Variants in MYO16 observed in about 807,000 individuals in gnomAD.
MYO16 encodes myosin XVI, also known as unconventional myosin-XVI.
A neutral mutation model predicts 205.3 loss-of-function variants in MYO16; 94 were observed. The ratio of observed to expected loss-of-function variants is 0.46; its 90% CI spans 0.39 to 0.54. MYO16 has a LOEUF of 0.54. Ranked by LOEUF, MYO16 falls within the 20% of genes least tolerant of loss-of-function variation. MYO16 has a pLI of 0.00. For synonymous variants in MYO16, 988 were observed against 954.0 expected (o/e 1.04, Z -0.66); for missense variants, 2,315 against 2,387.5 (o/e 0.97, Z 0.63).
Position 108,987,220 on chromosome 13 carries a change from C to T in MYO16, c.2370-5156C>T, listed in dbSNP as rs149492221. On this transcript the variant is annotated intron_variant, in intron 20 of 34. Coordinates refer to ENST00000457511, the MANE Select transcript of MYO16 (RefSeq NM_001198950.3). ...ACCATATAGAATAGAGAAGGCCGGACGGCCTCTCTGGTTACTCCCAGCCTC... is the reference window on the plus strand; with the variant it reads ...ACCATATAGAATAGAGAAGGCCGGATGGCCTCTCTGGTTACTCCCAGCCTC... Among the ~76,000 whole-genome samples, 27 of 152,300 alleles carry T rather than the reference C, an allele frequency of 1.8e-4. No individual in the cohort carries two copies. In the East Asian group the frequency reaches 5.2e-3, roughly 29 times the overall value.
the MYO16 span, among the ~76,000 whole-genome samples, chr13:108,531,190 C>A: frequency 1.7e-3 from 261 of 152,208 alleles, 1 homozygote; most frequent in African/African-American, 5.6e-3. Context: ...AAAGTTAGTC[C>A]GAGGTCAGAG....
Position 109,207,519 on chromosome 13 carries a change from C to T in MYO16, c.*683C>T, listed in dbSNP as rs976692274. ...ACCCCTTGCAAAACTATGAATTGAG[C>T]CCCATGTTTTAGGTGTTACTCATGG... On this transcript the variant is annotated 3_prime_UTR_variant, in exon 35 of 35. Coordinates refer to ENST00000457511, the MANE Select transcript of MYO16 (RefSeq NM_001198950.3). The T allele has an allele frequency of 6.6e-6, 1 of 152,072 alleles. No individual in the cohort carries two copies. The highest frequency in any genetic ancestry group is 6.6e-5 in the Admixed American group (1 of 15,264). 9.4% of individuals were successfully genotyped at this position (152,072 alleles called of 1,614,324 possible). A position where few individuals can be genotyped will look rare whatever the true frequency, so the allele number is the denominator to read the frequency against.
chr13:108,994,455 T>C (rs7331122), intron 21 of MYO16, among the ~76,000 whole-genome samples: 23,776 of 152,160 alleles, frequency 0.16, 2,218 homozygotes, highest in Non-Finnish European at 0.2. Context: ...TTATGATAAG[T>C]ACAAATCTCA....
In MYO16 at chr13:108,662,753, A is replaced by G. The variant is rs367999511; in HGVS notation, c.29-3133A>G. On this transcript the variant is annotated intron_variant, in intron 1 of 34. Coordinates refer to ENST00000457511, the MANE Select transcript of MYO16 (RefSeq NM_001198950.3). ...TTCTTTCCCTGCCTGTGAAGTCTGC[A>G]TGCCTGATTCACACCCTCCCCCGAG... 2.0e-3 allele frequency among the ~76,000 whole-genome samples: 310 copies of G among 152,260 alleles called. 8 individuals carry two copies. In the South Asian group the frequency reaches 0.062, roughly 31 times the overall value.
rs559987510 is a variant in MYO16 at position 108,936,944 on chromosome 13, T to G, written c.1926-20744T>G. On this transcript the variant is annotated intron_variant, in intron 16 of 34. Transcript: ENST00000457511. ...TTGTGTTCTTGCTTTATAGTGTCTG[T>G]GTACTATGTACTTAAGTGTGTTTTT... Among the ~76,000 whole-genome samples the G allele has an allele frequency of 5.3e-5, 8 of 152,346 alleles. No individual in the cohort carries two copies. In the South Asian group the frequency reaches 1.4e-3, roughly 28 times the overall value.
chr13:109,096,853 G>A (rs1020854016), intron 27 of MYO16, among the ~76,000 whole-genome samples: 13 of 152,194 alleles, frequency 8.5e-5, no homozygotes, highest in African/African-American at 3.1e-4. Context: ...AGGGTAGAGC[G>A]TTGCTTGTTA....
At chr13:108,916,627 G>C (rs1472552960) in intron 16 of MYO16, among the ~76,000 whole-genome samples, 2 of 152,122 alleles carry the variant, frequency 1.3e-5, no homozygotes, top group Non-Finnish European at 2.9e-5. Context: ...AAAAATTTTA[G>C]AACTAACAGA....
chr13:108,746,820 C>T (rs999860129), intron 4 of MYO16, among the ~76,000 whole-genome samples: 22 of 151,834 alleles, frequency 1.4e-4, no homozygotes, highest in East Asian at 5.8e-4. Context: ...AAAAAACAAA[C>T]GATGAAAACC....
chr13:108,772,187 A>G (rs1885987857), intron 4 of MYO16, among the ~76,000 whole-genome samples: 1 of 128,896 alleles, frequency 7.8e-6, no homozygotes, highest in African/African-American at 2.6e-5. Flanking sequence ...AGTTTCTGCA[A>G]AAAAAATATT....
chr13:108,527,599 A>G, the MYO16 span, among the ~76,000 whole-genome samples: 1 of 152,212 alleles, frequency 6.6e-6, no homozygotes, highest in Non-Finnish European at 1.5e-5. Context: ...GGATTCCTGT[A>G]GCTGCTCAAA....
At chr13:108,669,526 G>C (rs1298349954) in intron 2 of MYO16, among the ~76,000 whole-genome samples, 1 of 152,134 alleles carries the variant, frequency 6.6e-6, no homozygotes, top group Non-Finnish European at 1.5e-5. Flanking sequence ...TTAACAGCAA[G>C]TGTATGTGCT....
chr13:108,734,917 A>G (rs755446166), intron 4 of MYO16, among the ~76,000 whole-genome samples: 1 of 152,202 alleles, frequency 6.6e-6, no homozygotes, highest in Non-Finnish European at 1.5e-5. Flanking sequence ...TGTAGTTTCT[A>G]GCCTCCTAGA....
rs890210016 is a variant in MYO16, at chr13:108,909,876, T to C, written c.1778-127T>C. ...AATGCAAAAAGACAATAAAATAAAA[T>C]GTAAATAGATGGGAAAGGGAGAACT... is the stretch of plus-strand genomic sequence containing the variant. On this transcript the variant is annotated intron_variant, in intron 15 of 34. Transcript: ENST00000457511. The C allele has an allele frequency of 9.1e-6, 9 of 993,634 alleles. No homozygotes were observed. In the African/African-American group the frequency reaches 1.3e-4, roughly 15 times the overall value. The allele number at this position is 993,634 out of a possible 1,614,324, so 61.6% of individuals were successfully genotyped here.
intron 21 of MYO16, among the ~76,000 whole-genome samples, chr13:109,001,073 A>G (rs556624122): frequency 6.6e-6 from 1 of 151,874 alleles, no homozygotes; most frequent in Non-Finnish European, 1.5e-5. Flanking sequence ...GCTGAAATTT[A>G]TATTTACTTA....
At chr13:108,927,846 C>T (rs1031799507) in intron 16 of MYO16, among the ~76,000 whole-genome samples, 1 of 152,196 alleles carries the variant, frequency 6.6e-6, no homozygotes, top group African/African-American at 2.4e-5. Flanking sequence ...GATCTGCACT[C>T]CGGAGTGCCC....
intron 1 of MYO16, among the ~76,000 whole-genome samples, chr13:108,660,000 G>A (rs1457461168): frequency 1.3e-5 from 2 of 152,182 alleles, no homozygotes; most frequent in Admixed American, 6.5e-5. Context: ...TACTTGGGAG[G>A]CTGAAGTGGG....
At chr13:108,640,442 T>C (rs1880454298) in intron 1 of MYO16, among the ~76,000 whole-genome samples, 1 of 152,128 alleles carries the variant, frequency 6.6e-6, no homozygotes, top group Admixed American at 6.5e-5. Context: ...CATATGAGCT[T>C]TGGCTACTAA....
At chr13:108,658,724 T>A (rs763347293) in intron 1 of MYO16, among the ~76,000 whole-genome samples, 3 of 152,188 alleles carry the variant, frequency 2.0e-5, no homozygotes, top group Admixed American at 6.5e-5. Flanking sequence ...TTAGTTGATA[T>A]TCCATTTTCA....
chr13:109,084,208 C>T (rs1177873629), intron 27 of MYO16, among the ~76,000 whole-genome samples: 1 of 152,090 alleles, frequency 6.6e-6, no homozygotes, highest in Non-Finnish European at 1.5e-5. Context: ...GAAAAGAGAA[C>T]GATTAGATAA....
Sources: gnomAD v4.1 joint callset for allele counts (sites outside exome capture counted in the v4.1 genomes callset) on GRCh38, gnomAD v4.1.1 for gene constraint, MANE v1.5 for transcripts, NCBI Gene and HGNC (gene_info 2026-07-23, HGNC 2026-07-21) for gene names.